The following RIPOR2 variants were observed in gnomAD, a reference collection of about 807,000 sequenced individuals.
RIPOR2 encodes the protein rho family-interacting cell polarization regulator 2.
Under a neutral mutation model 114.5 loss-of-function variants are expected in RIPOR2, and 39 were observed. The observed-to-expected ratio is 0.34, with a 90% CI of 0.26 to 0.44. The LOEUF (loss-of-function observed/expected upper bound fraction) is 0.44, where lower values mean the gene tolerates loss of function less well. RIPOR2 is among the 20% of genes least tolerant of loss of function. The pLI, the probability that RIPOR2 is intolerant of heterozygous loss-of-function variation, is 1.00. For synonymous variants in RIPOR2, 445 were observed against 484.4 expected (o/e 0.92, Z 1.07); for missense variants, 1,007 against 1,255.1 (o/e 0.80, Z 2.99).
chr6:25,033,223 T>C (rs1159675487), intron 1 of RIPOR2, among the ~76,000 whole-genome samples: 1 of 151,720 alleles, frequency 6.6e-6, no homozygotes, highest in East Asian at 1.9e-4. Flanking sequence ...AAAAAAAAAG[T>C]TTTATGGTTT....
chr6:24,836,580 C>T (rs1761132300), intron 14 of RIPOR2, among the ~76,000 whole-genome samples: 1 of 152,180 alleles, frequency 6.6e-6, no homozygotes, highest in African/African-American at 2.4e-5. Context: ...TCTTGTTTCA[C>T]ATGATTAGCA....
intron 12 of RIPOR2, among the ~76,000 whole-genome samples, chr6:24,844,252 G>C (rs1413007353): frequency 6.6e-6 from 1 of 152,160 alleles, no homozygotes; most frequent in Non-Finnish European, 1.5e-5. Flanking sequence ...AGCAGACCTG[G>C]GTGGTGTCAC....
At chr6:24,974,668 T>C (rs535347029) in intron 1 of RIPOR2, among the ~76,000 whole-genome samples, 1 of 152,204 alleles carries the variant, frequency 6.6e-6, no homozygotes, top group South Asian at 2.1e-4. Context: ...CCAAGAGAAA[T>C]GAAGATATTT....
intron 1 of RIPOR2, chr6:24,911,107 G>A: frequency 2.5e-6 from 1 of 396,248 alleles, no homozygotes; most frequent in Non-Finnish European, 3.4e-6. Flanking sequence ...GCGGCGGAGC[G>A]GGCGGAGGGG....
chr6:24,939,194 G>C (rs1193963021), upstream of RIPOR2, among the ~76,000 whole-genome samples: 1 of 152,164 alleles, frequency 6.6e-6, no homozygotes, highest in Non-Finnish European at 1.5e-5. Context: ...GAGGTACTGA[G>C]ATTTGATCCC....
chr6:24,871,508 C>G (rs1396388529), intron 4 of RIPOR2, among the ~76,000 whole-genome samples: 1 of 152,138 alleles, frequency 6.6e-6, no homozygotes, highest in Non-Finnish European at 1.5e-5. Context: ...CCCACCACCA[C>G]GCCCAGCTAA....
Position 25,005,738 on chromosome 6 carries a change from T to TATATATATACATAC in RIPOR2, c.76+36112_76+36113insGTATGTATATATAT, listed in dbSNP as rs34572978. On this transcript the variant is annotated intron_variant, in intron 1 of 13. Coordinates refer to the RIPOR2 transcript ENST00000510784. ...ATATATATATATATATATATATATA[T>TATATATATACATAC]ATACATTTACCGATCAAAAGATATG... Among the ~76,000 whole-genome samples, 200 of 70,670 alleles carry TATATATATACATAC rather than the reference T, an allele frequency of 2.8e-3. 15 individuals carry two copies. The highest frequency in any genetic ancestry group is 5.3e-3 in the Non-Finnish European group (158 of 30,004). 46.4% of individuals were successfully genotyped at this position (70,670 alleles called of 152,430 possible).
Position 24,904,476 on chromosome 6 carries a change from G to A in RIPOR2, c.62-28659C>T, listed in dbSNP as rs569489831. Among the ~76,000 whole-genome samples the A allele has an allele frequency of 7.7e-4, 118 of 152,292 alleles. 1 individual carries two copies. Among genetic ancestry groups the A allele is most frequent in the Admixed American group, 2.3e-3 (35 of 15,304 alleles). ...TTAAGGACAAATAGAATTAGATTGG[G>A]CCCAACTGGGTAATCCAGGATACTG... On this transcript the variant is annotated intron_variant, in intron 1 of 21. Transcript: ENST00000643898.
chr6:25,008,262 C>T (rs373035021), intron 1 of RIPOR2, among the ~76,000 whole-genome samples: 3 of 152,096 alleles, frequency 2.0e-5, no homozygotes, highest in Admixed American at 6.5e-5. Flanking sequence ...GTGAGACACC[C>T]GCCTCGGCCT....
In RIPOR2 at chr6:24,843,189, CA is replaced by C; in HGVS notation, c.1529del (p.Leu510ArgfsTer70). 6.2e-7 allele frequency: 1 copy of C among 1,614,030 alleles called. No homozygotes were observed. The highest frequency in any genetic ancestry group is 8.5e-7 in the Non-Finnish European group (1 of 1,179,892). On this transcript the variant is annotated frameshift_variant, in exon 13 of 22. Coordinates refer to ENST00000643898, the MANE Select transcript of RIPOR2 (RefSeq NM_001286445.3). LOFTEE classifies it high-confidence loss of function. ...CTTCTGCAACATCATTCTCAAGGAA[CA>C]GGTGCTCAGCCCCAGCACCTGAGGA... ...RQSSGAGAEHLFLENDVAEAL... is the reference protein window; with the variant it reads ...RQSSGAGAEHXFLENDVAEAL...
intron 1 of RIPOR2, among the ~76,000 whole-genome samples, chr6:25,008,398 G>T (rs924466708): frequency 6.6e-6 from 1 of 152,196 alleles, no homozygotes; most frequent in Non-Finnish European, 1.5e-5. Flanking sequence ...CATAAGAGGG[G>T]TCAGTCAGAG....
intron 9 of RIPOR2, among the ~76,000 whole-genome samples, chr6:24,851,460 T>C (rs1762906090): frequency 6.6e-6 from 1 of 152,158 alleles, no homozygotes; most frequent in African/African-American, 2.4e-5. Context: ...GCAAGGACTT[T>C]GAAATCCAAC....
At chr6:25,005,185 C>T (rs1418685990) in intron 1 of RIPOR2, among the ~76,000 whole-genome samples, 1 of 152,182 alleles carries the variant, frequency 6.6e-6, no homozygotes, top group Non-Finnish European at 1.5e-5. Context: ...GTGGCTACTC[C>T]TGCAGTAACA....
Position 25,002,921 on chromosome 6 carries a change from G to A in RIPOR2, c.76+38930C>T, listed in dbSNP as rs72841010. On this transcript the variant is annotated intron_variant, in intron 1 of 13. Coordinates refer to the RIPOR2 transcript ENST00000510784. Reference sequence around the variant, plus strand: ...AGTTGCAGCCGGCAATGTGCCTTTTGCAATTTGCAAAAGATCCAAGTACAA... The same window carrying A: ...AGTTGCAGCCGGCAATGTGCCTTTTACAATTTGCAAAAGATCCAAGTACAA... Among the ~76,000 whole-genome samples the A allele has an allele frequency of 4.9e-3, 745 of 152,308 alleles. 6 individuals carry two copies. The highest frequency in any genetic ancestry group is 8.2e-3 in the Non-Finnish European group (560 of 68,016).
Position 24,910,773 on chromosome 6 carries a change from C to G in RIPOR2, c.61+25065G>C, listed in dbSNP as rs559158750. 17 of 981,680 alleles carry G rather than the reference C, an allele frequency of 1.7e-5. No individual in the cohort carries two copies. The South Asian group carries it at 4.7e-4, about 27-fold the overall frequency. 60.8% of individuals were successfully genotyped at this position (981,680 alleles called of 1,614,324 possible). A position where few individuals can be genotyped will look rare whatever the true frequency, so the allele number is the denominator to read the frequency against. On this transcript the variant is annotated intron_variant, in intron 1 of 21. Transcript: ENST00000643898. Reference sequence around the variant, plus strand: ...CCCACACAGACCTCACCGCGTTGTACGCAAAATCAGAAGCAAAAAAGGAGA... The same window carrying G: ...CCCACACAGACCTCACCGCGTTGTAGGCAAAATCAGAAGCAAAAAAGGAGA...
At chr6:24,884,984 C>T (rs888024267) in intron 1 of RIPOR2, among the ~76,000 whole-genome samples, 3 of 151,820 alleles carry the variant, frequency 2.0e-5, no homozygotes, top group Middle Eastern at 3.2e-3. Context: ...ATTTTCTTTC[C>T]GTGTTTTCTA....
Position 24,852,523 on chromosome 6 carries a change from C to A in RIPOR2, c.759+52G>T, listed in dbSNP as rs9467333. ...AGCAAAATAATGACATGACAACTGG[C>A]CCCTACCCTTCAGGTCCATAATTCC... is the stretch of plus-strand genomic sequence containing the variant. On this transcript the variant is annotated intron_variant, in intron 9 of 21. Transcript: ENST00000643898. The A allele has an allele frequency of 0.18, 241,221 of 1,325,728 alleles. 23,186 individuals carry two copies. The highest frequency in any genetic ancestry group is 0.26 in the South Asian group (22,078 of 84,196). 82.1% of individuals were successfully genotyped at this position (1,325,728 alleles called of 1,614,324 possible).
intron 1 of RIPOR2, among the ~76,000 whole-genome samples, chr6:24,965,312 A>C (rs1773479282): frequency 1.3e-5 from 2 of 151,968 alleles, no homozygotes; most frequent in Admixed American, 6.6e-5. Flanking sequence ...AAACTTTTGT[A>C]CTTTTTATAG....
chr6:24,833,454 T>C (rs893366903), intron 15 of RIPOR2, among the ~76,000 whole-genome samples: 2 of 152,014 alleles, frequency 1.3e-5, no homozygotes, highest in African/African-American at 4.8e-5. Flanking sequence ...TGAGCCAAGA[T>C]TGTGCCACTG....
Sources: gnomAD v4.1 joint callset for allele counts (sites outside exome capture counted in the v4.1 genomes callset) on GRCh38, gnomAD v4.1.1 for gene constraint, MANE v1.5 for transcripts, NCBI Gene and HGNC (gene_info 2026-07-23, HGNC 2026-07-21) for gene names.